The following RAD51D variants were observed in gnomAD, a reference collection of about 807,000 sequenced individuals.
RAD51D encodes the protein DNA repair protein RAD51 homolog 4.
A neutral mutation model predicts 44.1 loss-of-function variants in RAD51D; 38 were observed. The ratio of observed to expected loss-of-function variants is 0.86; its 90% CI spans 0.67 to 1.13. The LOEUF (loss-of-function observed/expected upper bound fraction) is 1.13. Among genes scored for constraint, RAD51D ranks in the 50% most tolerant of loss-of-function variants. RAD51D has a pLI of 0.00. For missense variants in RAD51D, 390 were observed against 414.0 expected, an observed-to-expected ratio of 0.94 and a Z score of 0.50; for synonymous variants, 141 against 166.6, an observed-to-expected ratio of 0.85 and a Z score of 1.18.
Position 35,096,075 on chromosome 17 carries a change from G to T in RAD51D, c.*4878C>A, listed in dbSNP as rs578082060. 6.6e-6 allele frequency: 1 copy of T among 152,242 alleles called. No homozygotes were observed. The highest frequency in any genetic ancestry group is 2.1e-4 in the South Asian group (1 of 4,818). The allele number at this position is 152,242 out of a possible 1,614,324, so 9.4% of individuals were successfully genotyped here. A position where few individuals can be genotyped will look rare whatever the true frequency, so the allele number is the denominator to read the frequency against. ...GCTTTCAGACTATGTTGCAGCTCTG[G>T]AATTCTCTGAACCTGTCCTGGTTCT... On this transcript the variant is annotated 3_prime_UTR_variant, in exon 10 of 10. Coordinates refer to ENST00000345365, the MANE Select transcript of RAD51D (RefSeq NM_002878.4).
chr17:35,101,153 C>T (rs1248024717), intron 9 of RAD51D, 48 bp downstream of exon 9: 2 of 1,613,964 alleles, frequency 1.2e-6, no homozygotes, highest in Non-Finnish European at 1.7e-6. Flanking sequence ...GTATGGAAAC[C>T]ACCCTCCAGG....
chr17:35,107,916 G>A (rs1310243653), intron 3 of RAD51D, among the ~76,000 whole-genome samples: 4 of 150,474 alleles, frequency 2.7e-5, no homozygotes, highest in African/African-American at 9.8e-5. Flanking sequence ...CACCATACCC[G>A]ACTAGTTTTT....
chr17:35,101,428 T>C, intron 8 of RAD51D, 63 bp from the exon 9 acceptor site: 1 of 1,550,940 alleles, frequency 6.4e-7, no homozygotes, highest in South Asian at 1.1e-5. Context: ...TTACTACCGC[T>C]TCATTTTACG....
At chr17:35,108,497 TA>T (rs900458144) in intron 3 of RAD51D, among the ~76,000 whole-genome samples, 519 of 78,434 alleles carry the variant, frequency 6.6e-3, no homozygotes, top group Admixed American at 8.9e-3. Flanking sequence ...CTTTTCTCTT[TA>T]AAAAAAAAAA....
chr17:35,115,328 C>T (rs751062297), intron 3 of RAD51D: 3 of 513,530 alleles, frequency 5.8e-6, no homozygotes, highest in African/African-American at 5.8e-5. Context: ...GTGGGATGAA[C>T]AGACCTAGCT....
At chr17:35,112,191 C>T (rs2091686328) in intron 3 of RAD51D, among the ~76,000 whole-genome samples, 1 of 152,188 alleles carries the variant, frequency 6.6e-6, no homozygotes, top group African/African-American at 2.4e-5. Context: ...CATTCTCGTG[C>T]CTCAGCCTCC....
In RAD51D at chr17:35,109,965, C is replaced by T. The variant is rs80282066; in HGVS notation, c.264-2518G>A. Among the ~76,000 whole-genome samples the T allele has an allele frequency of 4.5e-5, 6 of 132,790 alleles. No individual in the cohort carries two copies. In the East Asian group the frequency reaches 8.9e-4, roughly 20 times the overall value. 87.1% of individuals were successfully genotyped at this position (132,790 alleles called of 152,430 possible). On this transcript the variant is annotated intron_variant, in intron 3 of 9. Transcript: ENST00000345365. ...TACAGGCGTAAGCCACCACGCCTGG[C>T]TTTTTTTTTTTTTTTGAGATAGGGT... is the stretch of plus-strand genomic sequence containing the variant.
intron 8 of RAD51D, among the ~76,000 whole-genome samples, chr17:35,102,176 G>A (rs1430595682): frequency 6.6e-6 from 1 of 151,312 alleles, no homozygotes; most frequent in Admixed American, 6.6e-5. Flanking sequence ...TTATGTTGTT[G>A]TTTTGGTTTG....
chr17:35,103,184 G>C lies in RAD51D; in HGVS notation c.738+70C>G, dbSNP rs571504199. The C allele has an allele frequency of 6.8e-7, 1 of 1,476,504 alleles. No homozygotes were observed. The highest frequency in any genetic ancestry group is 1.2e-5 in the South Asian group (1 of 82,516). The allele number at this position is 1,476,504 out of a possible 1,614,324, so 91.5% of individuals were successfully genotyped here. Reference sequence around the variant, plus strand: ...AGGGCCACTTTGGGGTTCAGAAGCTGACATTTAAGGGAAATAAAGAGCTCG... The same window carrying C: ...AGGGCCACTTTGGGGTTCAGAAGCTCACATTTAAGGGAAATAAAGAGCTCG... On this transcript the variant is annotated intron_variant, in intron 8 of 9. Coordinates refer to ENST00000345365, the MANE Select transcript of RAD51D (RefSeq NM_002878.4). The surrounding 1 kb of genome is among the most constrained non-coding windows in gnomAD (Gnocchi z 4.1).
Position 35,116,776 on chromosome 17 carries a change from G to A in RAD51D, c.263+1725C>T, listed in dbSNP as rs2091753643. 14 of 1,091,564 alleles carry A rather than the reference G, an allele frequency of 1.3e-5. No homozygotes were observed. In the Admixed American group the frequency reaches 2.8e-4, roughly 22 times the overall value. The allele number at this position is 1,091,564 out of a possible 1,614,324, so 67.6% of individuals were successfully genotyped here. ...CCCAAAGTGCTGTGATCACAGGCGT[G>A]AGCCACTGCGCCCGGCCTAGAATGA... On this transcript the variant is annotated intron_variant, in intron 3 of 9. Coordinates refer to ENST00000345365, the MANE Select transcript of RAD51D (RefSeq NM_002878.4).
At chr17:35,119,221 C>T (rs2091790921) in intron 1 of RAD51D, 49 bp from the exon 2 acceptor site, 1 of 1,538,816 alleles carries the variant, frequency 6.5e-7, no homozygotes, top group Non-Finnish European at 9.0e-7. Flanking sequence ...CTGGGGCCTC[C>T]CACACTTGGT....
rs969774647 is a variant in RAD51D at position 35,092,834 on chromosome 17, G to C, written c.*8119C>G. On this transcript the variant is annotated 3_prime_UTR_variant, in exon 10 of 10. Coordinates refer to ENST00000345365, the MANE Select transcript of RAD51D (RefSeq NM_002878.4). ...TTCTATGGGAGGTTACTCTTCAAGG[G>C]ATTTACTCCCTAAGAAATCAATGGA... is the stretch of plus-strand genomic sequence containing the variant. 6.6e-6 allele frequency: 1 copy of C among 152,092 alleles called. No homozygotes were observed. The highest frequency in any genetic ancestry group is 2.1e-4 in the South Asian group (1 of 4,828). 9.4% of individuals were successfully genotyped at this position (152,092 alleles called of 1,614,324 possible).
chr17:35,117,469 C>G (rs1394944808), intron 3 of RAD51D, among the ~76,000 whole-genome samples: 1 of 152,196 alleles, frequency 6.6e-6, no homozygotes, highest in East Asian at 1.9e-4. Context: ...CTTCCCCAAC[C>G]CACCAAACAA....
rs2142407175 is a variant in RAD51D, at chr17:35,100,529, GA to G, written c.*423del. 1.9e-5 allele frequency: 10 copies of G among 536,520 alleles called. No homozygotes were observed. Among genetic ancestry groups the G allele is most frequent in the Admixed American group, 6.8e-5 (3 of 44,298 alleles). 33.2% of individuals were successfully genotyped at this position (536,520 alleles called of 1,614,324 possible). On this transcript the variant is annotated 3_prime_UTR_variant, in exon 10 of 10. Transcript: ENST00000345365. ...AACAAATGGAAAGGCAGAGACAAAA[GA>G]AAAAAAAGGCAGCAGCAGCAAAGGC...
rs2091484983 is a variant in RAD51D at position 35,096,204 on chromosome 17, T to TTATTTTA, written c.*4742_*4748dup. Reference sequence around the variant, plus strand: ...TAACACCTTGTTTTCTTAATTTTTATTATTTTATTTTATAGAGATAGGGTC... The same window carrying TTATTTTA: ...TAACACCTTGTTTTCTTAATTTTTATTATTTTATATTTTATTTTATAGAGATAGGGTC... On this transcript the variant is annotated 3_prime_UTR_variant, in exon 10 of 10. Transcript: ENST00000345365. 1 of 152,234 alleles carries TTATTTTA rather than the reference T, an allele frequency of 6.6e-6. No homozygotes were observed. 9.4% of individuals were successfully genotyped at this position (152,234 alleles called of 1,614,324 possible).
At chr17:35,109,977 T>TTTTTTA (rs386385963) in intron 3 of RAD51D, among the ~76,000 whole-genome samples, 1 of 150,968 alleles carries the variant, frequency 6.6e-6, no homozygotes, top group African/African-American at 2.4e-5. Flanking sequence ...TTTTTTTTTT[T>TTTTTTA]TTTGAGATAG....
chr17:35,093,532 T>C lies in RAD51D; in HGVS notation c.*7421A>G, dbSNP rs770233449. ...CGTACAGCTCCAGGGCATGAGGACC[T>C]GGCAGAGAGAACTCCATCATTCATG... On this transcript the variant is annotated 3_prime_UTR_variant, in exon 10 of 10. Transcript: ENST00000345365. 8 of 152,252 alleles carry C rather than the reference T, an allele frequency of 5.3e-5. No homozygotes were observed. The highest frequency in any genetic ancestry group is 8.8e-5 in the Non-Finnish European group (6 of 68,074). 9.4% of individuals were successfully genotyped at this position (152,252 alleles called of 1,614,324 possible). A position where few individuals can be genotyped will look rare whatever the true frequency, so the allele number is the denominator to read the frequency against.
At chr17:35,119,349 C>T in intron 1 of RAD51D, 177 bp from the exon 2 acceptor site, 1 of 901,856 alleles carries the variant, frequency 1.1e-6, no homozygotes, top group East Asian at 2.6e-5. Context: ...CAGTAGGAAT[C>T]TCTACCCTGT....
intron 3 of RAD51D, among the ~76,000 whole-genome samples, chr17:35,115,004 T>C (rs932982183): frequency 6.6e-6 from 1 of 152,164 alleles, no homozygotes; most frequent in Non-Finnish European, 1.5e-5. Flanking sequence ...GTATAAGGTA[T>C]TCCCAAATCC....
Sources: allele counts gnomAD v4.1 joint callset (sites outside exome capture counted in the v4.1 genomes callset), GRCh38; gene constraint gnomAD v4.1.1; non-coding constraint Gnocchi (gnomAD v3.1); transcripts MANE v1.5; gene names NCBI Gene and HGNC (gene_info 2026-07-23, HGNC 2026-07-21).